Variants in RERE observed in about 807,000 individuals in gnomAD.
RERE encodes arginine-glutamic acid dipeptide repeats protein.
Under a neutral mutation model 146.1 loss-of-function variants are expected in RERE, and 40 were observed. The ratio of observed to expected loss-of-function variants is 0.27; its 90% CI spans 0.21 to 0.36. The LOEUF is 0.36. Ranked by LOEUF, RERE falls within the 10% of genes least tolerant of loss-of-function variation. The pLI, the probability that RERE is intolerant of heterozygous loss-of-function variation, is 1.00. For synonymous variants in RERE, 1,003 were observed against 866.0 expected, an observed-to-expected ratio of 1.16 and a Z score of -2.78; for missense variants, 1,933 against 2,138.7, an observed-to-expected ratio of 0.90 and a Z score of 1.90.
intron 4 of RERE, among the ~76,000 whole-genome samples, chr1:8,561,122 A>C (rs1206871944): frequency 6.6e-6 from 1 of 152,256 alleles, no homozygotes; most frequent in Admixed American, 6.5e-5. Flanking sequence ...TTACACACAC[A>C]AATAAATTAA....
intron 10 of RERE, among the ~76,000 whole-genome samples, chr1:8,491,865 C>A (rs1354743324): frequency 6.6e-6 from 1 of 152,110 alleles, no homozygotes; most frequent in East Asian, 1.9e-4. Flanking sequence ...TGTTTTAAAT[C>A]TATGCTATAC....
At position 8,585,071 on chromosome 1, in the gene RERE, C is replaced by CA. The variant is rs1646410863; in HGVS notation, c.523-27549dup. On this transcript the variant is annotated intron_variant, in intron 4 of 22. Transcript: ENST00000400908. ...GCTGAGGTAGGAGGATCACTTGAAC[C>CA]AGGGAGGCAAGGTTGCAGTGAGCCA... Among the ~76,000 whole-genome samples the CA allele has an allele frequency of 2.7e-5, 4 of 149,572 alleles. No homozygotes were observed. In the South Asian group the frequency reaches 8.4e-4, roughly 31 times the overall value.
At chr1:8,553,637 T>C (rs530681438) in intron 6 of RERE, among the ~76,000 whole-genome samples, 3 of 152,344 alleles carry the variant, frequency 2.0e-5, no homozygotes, top group Admixed American at 2.0e-4. Context: ...TACCACTTTT[T>C]ATGACCACTT....
At chr1:8,686,750 CA>C (rs577673269) in intron 1 of RERE, among the ~76,000 whole-genome samples, 10 of 146,920 alleles carry the variant, frequency 6.8e-5, no homozygotes, top group African/African-American at 7.5e-5. Context: ...AACTCAGTCT[CA>C]AAAAAAAAAT....
intron 4 of RERE, among the ~76,000 whole-genome samples, chr1:8,611,887 C>A (rs12123980): frequency 0.04 from 6,115 of 152,260 alleles, 180 homozygotes; most frequent in Middle Eastern, 0.065. Context: ...AGGTTCTGGG[C>A]AATGTTATCT....
At chr1:8,406,935 G>A (rs1482427047) in intron 12 of RERE, among the ~76,000 whole-genome samples, 2 of 152,216 alleles carry the variant, frequency 1.3e-5, no homozygotes, top group African/African-American at 2.4e-5. Flanking sequence ...TACAGAGCCC[G>A]CATCATCTCC....
intron 7 of RERE, among the ~76,000 whole-genome samples, chr1:8,529,255 C>G (rs553302399): frequency 1.7e-4 from 25 of 149,438 alleles, no homozygotes; most frequent in African/African-American, 5.6e-4. Context: ...GAAAATATAT[C>G]CACCAGCCTC....
At chr1:8,716,077 C>T (rs1317651329) in intron 1 of RERE, among the ~76,000 whole-genome samples, 2 of 150,848 alleles carry the variant, frequency 1.3e-5, no homozygotes, top group Non-Finnish European at 3.0e-5. Flanking sequence ...CCATGGAGGG[C>T]GAAGCTGCAG....
At chr1:8,710,018 C>A (rs1639635790) in intron 1 of RERE, among the ~76,000 whole-genome samples, 1 of 152,172 alleles carries the variant, frequency 6.6e-6, no homozygotes, top group Admixed American at 6.5e-5. Context: ...TTCCATGACT[C>A]CTCCTAAATA....
chr1:8,650,592 G>GT (rs1408675264), intron 2 of RERE, among the ~76,000 whole-genome samples: 1 of 151,848 alleles, frequency 6.6e-6, no homozygotes, highest in East Asian at 1.9e-4. Flanking sequence ...GTAAAACCCT[G>GT]TCTCTACAAA....
intron 2 of RERE, among the ~76,000 whole-genome samples, chr1:8,642,643 TA>T (rs1647195320): frequency 6.6e-6 from 1 of 152,240 alleles, no homozygotes; most frequent in African/African-American, 2.4e-5. Flanking sequence ...TAAAAGTGAT[TA>T]AAATGTTTAA....
chr1:8,499,199 T>C (rs945803620), intron 8 of RERE, among the ~76,000 whole-genome samples: 11 of 152,196 alleles, frequency 7.2e-5, no homozygotes, highest in Non-Finnish European at 1.0e-4. Context: ...CTGATAGAGC[T>C]CCATGGGACA....
At chr1:8,813,567 C>T (rs1442666097) in intron 1 of RERE, among the ~76,000 whole-genome samples, 3 of 150,972 alleles carry the variant, frequency 2.0e-5, no homozygotes, top group Non-Finnish European at 4.4e-5. Flanking sequence ...TTCAGTATTA[C>T]ACATAATTAT....
chr1:8,435,123 T>A (rs903221705), intron 11 of RERE, among the ~76,000 whole-genome samples: 1 of 152,272 alleles, frequency 6.6e-6, no homozygotes, highest in African/African-American at 2.4e-5. Context: ...TTAGTCACTA[T>A]TAATTTAAGC....
chr1:8,507,690 A>C (rs1286362864), intron 8 of RERE, among the ~76,000 whole-genome samples: 1 of 146,688 alleles, frequency 6.8e-6, no homozygotes, highest in Non-Finnish European at 1.5e-5. Flanking sequence ...ATTATAGGCG[A>C]GAGCCACCAC....
rs778594494 is a variant in RERE at position 8,359,790 on chromosome 1, G to A, written c.3592C>T (p.Arg1198Trp). ...KEKERERERE[R>W]EREAERAAKA... ...GCCGCCCGCTCTGCCTCGCGCTCCCGCTCTCGCTCCCGCTCCCGCTCCTTC... is the reference window on the plus strand; with the variant it reads ...GCCGCCCGCTCTGCCTCGCGCTCCCACTCTCGCTCCCGCTCCCGCTCCTTC... The change falls in exon 19 of 23, where the codon CGG becomes TGG. Residue 1198 changes from arginine to tryptophan, a missense_variant. By Grantham distance (101) the Arg-to-Trp change is moderately radical. Coordinates refer to ENST00000400908, the MANE Select transcript of RERE (RefSeq NM_001042681.2). 15 of 1,601,216 alleles carry A rather than the reference G, an allele frequency of 9.4e-6. No homozygotes were observed. Among genetic ancestry groups the A allele is most frequent in the East Asian group, 2.2e-5 (1 of 44,816 alleles).
At chr1:8,815,029 TC>T (rs1641884395) in intron 1 of RERE, among the ~76,000 whole-genome samples, 1 of 152,130 alleles carries the variant, frequency 6.6e-6, no homozygotes, top group African/African-American at 2.4e-5. Context: ...CAGCCATTAA[TC>T]CCCTCCCCCA....
intron 6 of RERE, among the ~76,000 whole-genome samples, chr1:8,547,002 T>C (rs1452094600): frequency 2.0e-5 from 3 of 150,500 alleles, no homozygotes; most frequent in East Asian, 3.9e-4. Context: ...TGTTCTTAGA[T>C]AGGAAAACTC....
intron 1 of RERE, among the ~76,000 whole-genome samples, chr1:8,733,022 C>T (rs1039518815): frequency 1.7e-4 from 26 of 151,680 alleles, no homozygotes; most frequent in Admixed American, 8.6e-4. Flanking sequence ...GGGGTTTCAC[C>T]GTGTTAGCCA....
Sources: allele counts gnomAD v4.1 joint callset (sites outside exome capture counted in the v4.1 genomes callset), GRCh38; gene constraint gnomAD v4.1.1; transcripts MANE v1.5; gene names NCBI Gene and HGNC (gene_info 2026-07-23, HGNC 2026-07-21).